CPE: variants seen among roughly 807,000 people sequenced by gnomAD.
The protein encoded by CPE is carboxypeptidase E.
Under a neutral mutation model 53.5 loss-of-function variants are expected in CPE, and 17 were observed. That is an observed-to-expected ratio of 0.32 (90% CI 0.22 to 0.48). The LOEUF (loss-of-function observed/expected upper bound fraction) is 0.48. Ranked by LOEUF, CPE falls within the 20% of genes least tolerant of loss-of-function variation. The pLI is 0.99. For synonymous variants in CPE, 226 were observed against 228.8 expected (o/e 0.99, Z 0.11); for missense variants, 524 against 614.7 (o/e 0.85, Z 1.56).
chr4:165,489,908 A>G (rs1255249771), intron 6 of CPE, among the ~76,000 whole-genome samples: 1 of 152,228 alleles, frequency 6.6e-6, no homozygotes, highest in Non-Finnish European at 1.5e-5. Flanking sequence ...CATGTGATCT[A>G]CCTTGATATG....
chr4:165,481,080 C>T (rs922389740), intron 3 of CPE, among the ~76,000 whole-genome samples: 2 of 147,514 alleles, frequency 1.4e-5, no homozygotes, highest in Non-Finnish European at 3.0e-5. Context: ...TAAAAACAAC[C>T]TCCTACTCTA....
At chr4:165,468,512 A>G (rs1732146972) in intron 3 of CPE, among the ~76,000 whole-genome samples, 2 of 152,206 alleles carry the variant, frequency 1.3e-5, no homozygotes, top group African/African-American at 4.8e-5. Flanking sequence ...CAGGTTGTCC[A>G]GAAACAAATA....
intron 1 of CPE, among the ~76,000 whole-genome samples, chr4:165,398,778 T>C (rs1466137566): frequency 6.6e-6 from 1 of 152,194 alleles, no homozygotes; most frequent in Non-Finnish European, 1.5e-5. Context: ...ACTTGCTTGT[T>C]GAGTGGCATT....
At chr4:165,448,737 T>A (rs926244771) in intron 1 of CPE, among the ~76,000 whole-genome samples, 2 of 152,190 alleles carry the variant, frequency 1.3e-5, no homozygotes. Flanking sequence ...TACTGTGTCA[T>A]TTTTGATCGT....
intron 1 of CPE, chr4:165,405,429 TTCC>T: frequency 1.1e-6 from 1 of 887,586 alleles, no homozygotes; most frequent in African/African-American, 1.6e-5. Flanking sequence ...CCTTGCTCAA[TTCC>T]AGTCTTTACC....
At chr4:165,468,407 G>A (rs972023514) in intron 3 of CPE, among the ~76,000 whole-genome samples, 1 of 152,046 alleles carries the variant, frequency 6.6e-6, no homozygotes, top group Non-Finnish European at 1.5e-5. Flanking sequence ...TCCCAGATCC[G>A]TGCCTCTAAC....
At chr4:165,456,739 A>ATTTTTTTTTTTT (rs35855408) in intron 1 of CPE, among the ~76,000 whole-genome samples, 1 of 101,196 alleles carries the variant, frequency 9.9e-6, no homozygotes, top group Non-Finnish European at 1.8e-5. Flanking sequence ...TGCCCAGCTA[A>ATTTTTTTTTTTT]TTTTTTTTTT....
chr4:165,467,007 A>C (rs1180457134), intron 2 of CPE, among the ~76,000 whole-genome samples: 1 of 152,134 alleles, frequency 6.6e-6, no homozygotes, highest in Non-Finnish European at 1.5e-5. Flanking sequence ...ATGGTTTCTT[A>C]GTTTTTCAAA....
rs1000305389 is a variant in CPE at position 165,429,720 on chromosome 4, A to G, written c.308-34670A>G. ...CTGTTTAAAAAAAAAAAAAGTTACT[A>G]AGCTTCTGTCATGTTACAAACACTT... On this transcript the variant is annotated intron_variant, in intron 1 of 8. Coordinates refer to ENST00000402744, the MANE Select transcript of CPE (RefSeq NM_001873.4). Among the ~76,000 whole-genome samples the G allele has an allele frequency of 6.8e-4, 101 of 147,762 alleles. 1 individual carries two copies. Among genetic ancestry groups the G allele is most frequent in the African/African-American group, 2.4e-3 (94 of 39,872 alleles).
chr4:165,405,388 C>T, intron 1 of CPE: 1 of 1,135,640 alleles, frequency 8.8e-7, no homozygotes, highest in Non-Finnish European at 1.3e-6. Context: ...CTCCGAATTT[C>T]TGAGATTCAG....
intron 1 of CPE, among the ~76,000 whole-genome samples, chr4:165,460,074 T>A (rs1731974719): frequency 6.6e-6 from 1 of 152,080 alleles, no homozygotes; most frequent in South Asian, 2.1e-4. Context: ...CAGGGACGTG[T>A]ACATTATACC....
intron 1 of CPE, among the ~76,000 whole-genome samples, chr4:165,391,255 A>G (rs914205067): frequency 6.6e-6 from 1 of 152,170 alleles, no homozygotes; most frequent in Non-Finnish European, 1.5e-5. Flanking sequence ...CATTTCTTAA[A>G]TGAATGTACA....
intron 1 of CPE, chr4:165,405,824 C>T: frequency 1.3e-6 from 1 of 753,722 alleles, no homozygotes; most frequent in Admixed American, 1.7e-5. Context: ...GTGCCTCCTG[C>T]TCCTGGTAAG....
At chr4:165,447,337 G>A (rs969599008) in intron 1 of CPE, among the ~76,000 whole-genome samples, 8 of 152,162 alleles carry the variant, frequency 5.3e-5, no homozygotes. Context: ...TTGGGAGACC[G>A]AGGCGGGCAG....
At chr4:165,431,979 A>C (rs1579258759) in intron 1 of CPE, among the ~76,000 whole-genome samples, 1 of 151,410 alleles carries the variant, frequency 6.6e-6, no homozygotes, top group Non-Finnish European at 1.5e-5. Flanking sequence ...CTCTTACCCC[A>C]CCCTACACCC....
At chr4:165,406,937 A>G (rs1730963222) in intron 1 of CPE, among the ~76,000 whole-genome samples, 2 of 152,226 alleles carry the variant, frequency 1.3e-5, no homozygotes, top group Admixed American at 6.5e-5. Context: ...TGTAGCATGT[A>G]TTAGTACTCC....
intron 1 of CPE, among the ~76,000 whole-genome samples, chr4:165,447,758 A>T (rs1731742352): frequency 6.6e-6 from 1 of 152,108 alleles, no homozygotes; most frequent in African/African-American, 2.4e-5. Flanking sequence ...TTTCTCTTAT[A>T]TCCTATTCTA....
At chr4:165,424,628 G>A (rs1731286000) in intron 1 of CPE, among the ~76,000 whole-genome samples, 1 of 151,978 alleles carries the variant, frequency 6.6e-6, no homozygotes, top group Admixed American at 6.6e-5. Context: ...CCACCTCCTG[G>A]GTTCACGCCA....
Position 165,471,099 on chromosome 4 carries a change from G to A in CPE, c.672+3244G>A, listed in dbSNP as rs1732197701. ...TTAGAAGAATGTCAAAATGAAATAA[G>A]GGAGTGAGGACAACTCCAAAAAATC... On this transcript the variant is annotated intron_variant, in intron 3 of 8. Transcript: ENST00000402744. Among the ~76,000 whole-genome samples the A allele has an allele frequency of 2.0e-5, 3 of 152,174 alleles. No homozygotes were observed. The South Asian group carries it at 6.2e-4, about 32-fold the overall frequency.
Sources: gnomAD v4.1 joint callset for allele counts (sites outside exome capture counted in the v4.1 genomes callset) on GRCh38, gnomAD v4.1.1 for gene constraint, MANE v1.5 for transcripts, NCBI Gene and HGNC (gene_info 2026-07-23, HGNC 2026-07-21) for gene names.